Variants in MRPS28 observed in about 807,000 individuals in gnomAD.
MRPS28 encodes the protein small ribosomal subunit protein bS1m.
Under a neutral mutation model 10.8 loss-of-function variants are expected in MRPS28, and 7 were observed. That is an observed-to-expected ratio of 0.65 (90% CI 0.37 to 1.22). The LOEUF (loss-of-function observed/expected upper bound fraction) is 1.22, where lower values mean the gene tolerates loss of function less well. Ranked by LOEUF, MRPS28 falls within the 50% of genes most tolerant of loss-of-function variation. The pLI, the probability that MRPS28 is intolerant of heterozygous loss-of-function variation, is 0.02. For missense variants in MRPS28, 265 were observed against 232.9 expected, an observed-to-expected ratio of 1.14 and a Z score of -0.90; for synonymous variants, 121 against 93.3, an observed-to-expected ratio of 1.30 and a Z score of -1.71.
At chr8:80,026,938 C>G (rs1809507464) in intron 1 of MRPS28, among the ~76,000 whole-genome samples, 1 of 152,068 alleles carries the variant, frequency 6.6e-6, no homozygotes, top group Admixed American at 6.5e-5. Context: ...TTTTAGAGTA[C>G]TTTTAGGTTT....
chr8:79,974,470 G>A (rs185813484), intron 2 of MRPS28, among the ~76,000 whole-genome samples: 359 of 152,058 alleles, frequency 2.4e-3, no homozygotes, highest in Non-Finnish European at 4.1e-3. Flanking sequence ...GAACCCGAGA[G>A]GCAGAGCTTG....
chr8:80,006,394 A>T (rs13276916), intron 1 of MRPS28, among the ~76,000 whole-genome samples: 1 of 152,038 alleles, frequency 6.6e-6, no homozygotes, highest in Non-Finnish European at 1.5e-5. Context: ...GGTACATAAC[A>T]AAATGAACGC....
chr8:79,960,307 C>A (rs930564179), intron 2 of MRPS28, among the ~76,000 whole-genome samples: 24 of 152,128 alleles, frequency 1.6e-4, no homozygotes, highest in Admixed American at 1.6e-3. Context: ...GAAGCTAAAA[C>A]CCACTGGTTT....
At chr8:79,949,002 C>T (rs548223783) in intron 2 of MRPS28, among the ~76,000 whole-genome samples, 6 of 152,146 alleles carry the variant, frequency 3.9e-5, no homozygotes, top group African/African-American at 4.8e-5. Flanking sequence ...AGTGGGAAAT[C>T]GAGTAGGATG....
chr8:79,957,093 T>A (rs76967828), intron 2 of MRPS28: 11,070 of 152,198 alleles, frequency 0.073, 735 homozygotes, highest in African/African-American at 0.18. Flanking sequence ...GTTCTCCCCT[T>A]GCCCCTGTGC....
At chr8:80,011,831 C>T (rs1563542554) in intron 1 of MRPS28, among the ~76,000 whole-genome samples, 2 of 152,234 alleles carry the variant, frequency 1.3e-5, no homozygotes, top group Non-Finnish European at 2.9e-5. Context: ...GTAGCAGATC[C>T]AGTAGTTAAA....
intron 2 of MRPS28, among the ~76,000 whole-genome samples, chr8:79,937,045 G>T (rs929758045): frequency 6.6e-6 from 1 of 152,018 alleles, no homozygotes; most frequent in Admixed American, 6.5e-5. Flanking sequence ...ATTTTTAGTA[G>T]AGATGGGGTT....
chr8:80,006,922 G>C (rs1321443410), intron 1 of MRPS28, among the ~76,000 whole-genome samples: 1 of 152,204 alleles, frequency 6.6e-6, no homozygotes, highest in Non-Finnish European at 1.5e-5. Flanking sequence ...CTCATTTTAT[G>C]AGGCCAGTAT....
At chr8:80,028,664 C>CGGGGGGGGGGGGGGG (rs1278468176) in intron 1 of MRPS28, 6 of 7,074 alleles carry the variant, frequency 8.5e-4, no homozygotes, top group Admixed American at 1.7e-3. Flanking sequence ...GGGGCGGGGC[C>CGGGGGGGGGGGGGGG]GGGCGGGGTC....
chr8:79,987,245 C>T (rs1345966691), intron 2 of MRPS28, among the ~76,000 whole-genome samples: 1 of 151,908 alleles, frequency 6.6e-6, no homozygotes, highest in African/African-American at 2.4e-5. Context: ...GAAACTGGAT[C>T]CCTTCCTTAC....
intron 2 of MRPS28, among the ~76,000 whole-genome samples, chr8:79,930,095 G>T (rs772678866): frequency 6.6e-6 from 1 of 152,132 alleles, no homozygotes; most frequent in Non-Finnish European, 1.5e-5. Context: ...ACTTATTACA[G>T]ATAAAGATAT....
intron 2 of MRPS28, among the ~76,000 whole-genome samples, chr8:79,961,918 G>A (rs1471972868): frequency 6.6e-6 from 1 of 152,110 alleles, no homozygotes; most frequent in Non-Finnish European, 1.5e-5. Flanking sequence ...CATGCCATTT[G>A]AGTAAATATT....
chr8:80,006,202 A>C (rs1005472064), intron 1 of MRPS28, among the ~76,000 whole-genome samples: 8 of 152,184 alleles, frequency 5.3e-5, no homozygotes, highest in Non-Finnish European at 2.9e-5. Flanking sequence ...GCACCACATC[A>C]CACTTATTCC....
At chr8:79,973,698 A>G (rs1807702585) in intron 2 of MRPS28, among the ~76,000 whole-genome samples, 1 of 152,100 alleles carries the variant, frequency 6.6e-6, no homozygotes, top group Admixed American at 6.6e-5. Flanking sequence ...GCCAAGTATC[A>G]GCAACTCCCA....
chr8:79,938,598 A>C (rs1162758258), intron 2 of MRPS28, among the ~76,000 whole-genome samples: 4 of 152,202 alleles, frequency 2.6e-5, no homozygotes, highest in East Asian at 1.9e-4. Context: ...ACAACAACAA[A>C]AAAGAACCTT....
intron 2 of MRPS28, among the ~76,000 whole-genome samples, chr8:79,989,642 C>T (rs186991482): frequency 2.6e-5 from 4 of 152,286 alleles, no homozygotes; most frequent in African/African-American, 9.6e-5. Flanking sequence ...AACATTTCTT[C>T]AAGGCAGGCA....
chr8:80,009,226 C>T lies in MRPS28; in HGVS notation c.214-6046G>A, dbSNP rs185106587. On this transcript the variant is annotated intron_variant, in intron 1 of 2. Coordinates refer to ENST00000276585, the MANE Select transcript of MRPS28 (RefSeq NM_014018.3). ...TTACTCATAGGTGGGAATTGAACAG[C>T]GAAAACACCTGGACACAGGAAAGGG... 2.7e-3 allele frequency among the ~76,000 whole-genome samples: 415 copies of T among 151,998 alleles called. 2 individuals carry two copies. Among genetic ancestry groups the T allele is most frequent in the Non-Finnish European group, 4.4e-3 (297 of 67,956 alleles).
chr8:79,977,065 G>A (rs1351961593), intron 2 of MRPS28, among the ~76,000 whole-genome samples: 2 of 152,230 alleles, frequency 1.3e-5, no homozygotes, highest in Admixed American at 6.5e-5. Flanking sequence ...ATGATATATA[G>A]TGCATCCTTC....
chr8:79,978,347 T>C lies in MRPS28; in HGVS notation c.395+24652A>G, dbSNP rs1586072323. Among the ~76,000 whole-genome samples the C allele has an allele frequency of 2.7e-5, 4 of 146,556 alleles. No individual in the cohort carries two copies. The South Asian group carries it at 6.6e-4, about 24-fold the overall frequency. On this transcript the variant is annotated intron_variant, in intron 2 of 2. Coordinates refer to ENST00000276585, the MANE Select transcript of MRPS28 (RefSeq NM_014018.3). ...GAAAGTGACAGTTGTATTTTTTTTT[T>C]CCCTGATAAACATGTAATCTAAGTA...
Sources: allele counts gnomAD v4.1 joint callset (sites outside exome capture counted in the v4.1 genomes callset), GRCh38; gene constraint gnomAD v4.1.1; transcripts MANE v1.5; gene names NCBI Gene and HGNC (gene_info 2026-07-23, HGNC 2026-07-21).